Variants in ENPP4 observed in about 807,000 individuals in gnomAD.
ENPP4 encodes ectonucleotide pyrophosphatase/phosphodiesterase 4, also known as bis(5'-adenosyl)-triphosphatase ENPP4.
In ENPP4, 18 loss-of-function variants were observed where a neutral mutation model predicts 33.4. That is an observed-to-expected ratio of 0.54 (90% CI 0.37 to 0.80). The LOEUF is 0.80. Ranked by LOEUF, ENPP4 falls within the 30% of genes least tolerant of loss-of-function variation. The pLI, the probability that ENPP4 is intolerant of heterozygous loss-of-function variation, is 0.00. For missense variants in ENPP4, 480 were observed against 541.7 expected (o/e 0.89, Z 1.13); for synonymous variants, 172 against 189.9 (o/e 0.91, Z 0.78).
intron 2 of ENPP4, among the ~76,000 whole-genome samples, chr6:46,140,669 A>T (rs1764047530): frequency 6.6e-6 from 1 of 151,704 alleles, no homozygotes; most frequent in African/African-American, 2.4e-5. Context: ...GAAAAAGGAA[A>T]TTTTTATCCT....
chr6:46,136,116 C>T (rs976490804), intron 1 of ENPP4, among the ~76,000 whole-genome samples: 4 of 151,936 alleles, frequency 2.6e-5, no homozygotes, highest in African/African-American at 9.7e-5. Flanking sequence ...TACTGTGCCA[C>T]CTATTTGCTG....
intron 2 of ENPP4, among the ~76,000 whole-genome samples, chr6:46,140,614 AAGTG>A (rs1764045098): frequency 1.3e-5 from 2 of 151,668 alleles, no homozygotes; most frequent in Non-Finnish European, 3.0e-5. Context: ...TTTAGTTTCA[AAGTG>A]AGTATTTCTT....
intron 2 of ENPP4, 45 bp from the exon 3 acceptor site, chr6:46,141,007 A>G: frequency 1.5e-6 from 2 of 1,293,870 alleles, no homozygotes; most frequent in Admixed American, 2.3e-5. Context: ...TTTTTTCCTT[A>G]TCAATCATAA....
chr6:46,142,412 TATA>T (rs1186824288), intron 3 of ENPP4, among the ~76,000 whole-genome samples: 2 of 19,678 alleles, frequency 1.0e-4, no homozygotes, highest in South Asian at 1.1e-3. Context: ...TACATATAAT[TATA>T]ATATATATTT....
At chr6:46,139,128 C>G (rs1000991439) in intron 1 of ENPP4, among the ~76,000 whole-genome samples, 1 of 151,752 alleles carries the variant, frequency 6.6e-6, no homozygotes, top group Non-Finnish European at 1.5e-5. Flanking sequence ...GTTAAAGAAA[C>G]TATAAAGTAC....
rs774105597 is a variant in ENPP4 at position 46,140,442 on chromosome 6, T to C, written c.826+33T>C. On this transcript the variant is annotated intron_variant, in intron 2 of 3. Coordinates refer to ENST00000321037, the MANE Select transcript of ENPP4 (RefSeq NM_014936.5). Reference sequence around the variant, plus strand: ...AACATTCAACTGAGGGATACTATTATTCGAATGGGGCAATTGATTGAGGGG... The same window carrying C: ...AACATTCAACTGAGGGATACTATTACTCGAATGGGGCAATTGATTGAGGGG... 6 of 1,327,914 alleles carry C rather than the reference T, an allele frequency of 4.5e-6. No homozygotes were observed. In the East Asian group the frequency reaches 1.2e-4, roughly 26 times the overall value. The allele number at this position is 1,327,914 out of a possible 1,614,324, so 82.3% of individuals were successfully genotyped here. A position where few individuals can be genotyped will look rare whatever the true frequency, so the allele number is the denominator to read the frequency against.
At chr6:46,133,384 TA>T (rs1476040361) in intron 1 of ENPP4, among the ~76,000 whole-genome samples, 1 of 152,156 alleles carries the variant, frequency 6.6e-6, no homozygotes, top group Non-Finnish European at 1.5e-5. Context: ...AGTCATAGAA[TA>T]AAGTTTTTAA....
chr6:46,141,877 G>A (rs1303478171), intron 3 of ENPP4, among the ~76,000 whole-genome samples: 1 of 151,422 alleles, frequency 6.6e-6, no homozygotes, highest in Non-Finnish European at 1.5e-5. Flanking sequence ...TTAGTAAAGG[G>A]CCAAATAGAA....
At chr6:46,133,098 A>T (rs556405489) in intron 1 of ENPP4, among the ~76,000 whole-genome samples, 6 of 152,332 alleles carry the variant, frequency 3.9e-5, no homozygotes, top group African/African-American at 1.4e-4. Flanking sequence ...GTCTGCAAAC[A>T]GGGACAATTT....
intron 3 of ENPP4, 71 bp from the exon 4 acceptor site, chr6:46,143,205 A>G: frequency 2.8e-6 from 4 of 1,413,208 alleles, no homozygotes; most frequent in Non-Finnish European, 3.8e-6. Flanking sequence ...GAATGTTTAT[A>G]TACTAGAAGC....
Position 46,138,332 on chromosome 6 carries a change from T to C in ENPP4, c.-33-1219T>C, listed in dbSNP as rs142864833. 1.9e-4 allele frequency among the ~76,000 whole-genome samples: 29 copies of C among 151,938 alleles called. No individual in the cohort carries two copies. The East Asian group carries it at 5.4e-3, about 28-fold the overall frequency. On this transcript the variant is annotated intron_variant, in intron 1 of 3. Transcript: ENST00000321037. The stretch of plus-strand genomic sequence containing the variant: ...CTTCAGTTTCTGGCAGAATCTCAAA[T>C]CCAGGTAGGATCAGCTGCCTGTTTT...
At chr6:46,138,899 A>G (rs181283089) in intron 1 of ENPP4, among the ~76,000 whole-genome samples, 73 of 151,994 alleles carry the variant, frequency 4.8e-4, no homozygotes, top group African/African-American at 1.7e-3. Context: ...TCATTTCAAT[A>G]GCTATTGGAT....
At chr6:46,130,385 C>A (rs1200391460) in intron 1 of ENPP4, among the ~76,000 whole-genome samples, 196 bp downstream of exon 1, 2 of 152,280 alleles carry the variant, frequency 1.3e-5, no homozygotes, top group South Asian at 4.1e-4. Flanking sequence ...CGGGCCGAGG[C>A]GGAGGCCAGG....
rs1764125420 is a variant in ENPP4, at chr6:46,145,193, A to C, written c.*1553A>C. 1.5e-5 allele frequency: 5 copies of C among 341,154 alleles called. No individual in the cohort carries two copies. The East Asian group carries it at 2.1e-4, about 14-fold the overall frequency. 21.1% of individuals were successfully genotyped at this position (341,154 alleles called of 1,614,324 possible). A position where few individuals can be genotyped will look rare whatever the true frequency, so the allele number is the denominator to read the frequency against. ...TAAATATTGATTATCTGTGATGGTA[A>C]AGAACAACAGTGGTGCCAGTCATCA... On this transcript the variant is annotated 3_prime_UTR_variant, in exon 4 of 4. Transcript: ENST00000321037.
intron 1 of ENPP4, among the ~76,000 whole-genome samples, chr6:46,136,964 C>A (rs1391124744): frequency 6.6e-6 from 1 of 151,878 alleles, no homozygotes; most frequent in Non-Finnish European, 1.5e-5. Context: ...TAACAAGCTC[C>A]CTTCAGTGAT....
At chr6:46,132,490 C>CTCTGT (rs1763914630) in intron 1 of ENPP4, among the ~76,000 whole-genome samples, 1 of 152,108 alleles carries the variant, frequency 6.6e-6, no homozygotes, top group Non-Finnish European at 1.5e-5. Context: ...TTTCTGAGGG[C>CTCTGT]TCTGTTCTGT....
chr6:46,143,520 A>T lies in ENPP4; in HGVS notation c.1242A>T (p.Ser414=). The T allele has an allele frequency of 6.2e-7, 1 of 1,612,758 alleles. No homozygotes were observed. Among genetic ancestry groups the T allele is most frequent in the South Asian group, 1.1e-5 (1 of 91,040 alleles). The change falls in exon 4 of 4, where the codon TCA becomes TCT. Residue 414 remains serine, a synonymous_variant. Transcript: ENST00000321037. ...LPEAIAIVIG[S]LLVLTMLTCL... Reference sequence around the variant, plus strand: ...AAGCCATCGCGATTGTTATCGGTTCACTCTTGGTGTTAACCATGCTAACAT... The same window carrying T: ...AAGCCATCGCGATTGTTATCGGTTCTCTCTTGGTGTTAACCATGCTAACAT...
At position 46,139,804 on chromosome 6, in the gene ENPP4, A is replaced by G. The variant is rs199781763; in HGVS notation, c.221A>G (p.His74Arg). ...NVFITKTFPN[H>R]YSIVTGLYEE... ...TTTATCACAAAAACATTTCCAAACC[A>G]CTACAGTATTGTGACAGGCTTGTAT... The change falls in exon 2 of 4, where the codon CAC becomes CGC. Residue 74 changes from histidine (H) to arginine (R), a missense_variant. Transcript: ENST00000321037. The G allele has an allele frequency of 7.9e-5, 127 of 1,612,372 alleles. No homozygotes were observed. Among genetic ancestry groups the G allele is most frequent in the Non-Finnish European group, 1.0e-4 (120 of 1,178,868 alleles).
At chr6:46,132,400 A>G (rs1272900239) in intron 1 of ENPP4, among the ~76,000 whole-genome samples, 1 of 152,244 alleles carries the variant, frequency 6.6e-6, no homozygotes, top group African/African-American at 2.4e-5. Context: ...AGCACCATTT[A>G]TGAAATAGGG....
Sources: gnomAD v4.1 joint callset for allele counts (sites outside exome capture counted in the v4.1 genomes callset) on GRCh38, gnomAD v4.1.1 for gene constraint, MANE v1.5 for transcripts, NCBI Gene and HGNC (gene_info 2026-07-23, HGNC 2026-07-21) for gene names.